The following LAMA2 variants were observed in gnomAD, a reference collection of about 807,000 sequenced individuals.
LAMA2 encodes the protein laminin subunit alpha-2.
Under a neutral mutation model 364.8 loss-of-function variants are expected in LAMA2, and 269 were observed. The ratio of observed to expected loss-of-function variants is 0.74; its 90% CI spans 0.67 to 0.82. The LOEUF is 0.82. LAMA2 is among the 40% of genes least tolerant of loss of function. LAMA2 has a pLI of 0.00. For synonymous variants in LAMA2, 1,379 were observed against 1,370.6 expected, an observed-to-expected ratio of 1.01 and a Z score of -0.14; for missense variants, 3,807 against 3,873.2, an observed-to-expected ratio of 0.98 and a Z score of 0.45.
chr6:129,375,586 C>T (rs1778327093), intron 34 of LAMA2, among the ~76,000 whole-genome samples: 1 of 152,154 alleles, frequency 6.6e-6, no homozygotes, highest in Non-Finnish European at 1.5e-5. Context: ...ACTGTCCTCT[C>T]TCTGTTTTTC....
At chr6:129,357,112 A>G (rs1376539669) in intron 32 of LAMA2, among the ~76,000 whole-genome samples, 1 of 152,098 alleles carries the variant, frequency 6.6e-6, no homozygotes, top group Non-Finnish European at 1.5e-5. Flanking sequence ...CATAGTTCAC[A>G]TGTCATTTTA....
intron 17 of LAMA2, 146 bp from the exon 18 acceptor site, chr6:129,279,915 A>C (rs1483158003): frequency 1.4e-6 from 1 of 715,684 alleles, no homozygotes; most frequent in Non-Finnish European, 2.6e-6. Context: ...CATTGGCCAG[A>C]CCCTAATCTC....
chr6:129,388,575 G>C (rs1007713007), intron 35 of LAMA2, among the ~76,000 whole-genome samples: 2 of 152,140 alleles, frequency 1.3e-5, no homozygotes, highest in Admixed American at 1.3e-4. Flanking sequence ...GAAATAGTGA[G>C]ACTCTGTCTC....
chr6:129,493,220 A>C (rs923243311), intron 58 of LAMA2, among the ~76,000 whole-genome samples: 1 of 152,188 alleles, frequency 6.6e-6, no homozygotes, highest in Non-Finnish European at 1.5e-5. Flanking sequence ...TGTATGTCTA[A>C]TATGATTTTA....
chr6:129,190,124 A>G, intron 10 of LAMA2, 81 bp from the exon 11 acceptor site: 1 of 1,345,436 alleles, frequency 7.4e-7, no homozygotes, highest in Non-Finnish European at 1.1e-6. Flanking sequence ...ATGTACAGTT[A>G]ATATTTTCCT....
intron 51 of LAMA2, among the ~76,000 whole-genome samples, chr6:129,469,979 A>C (rs746603765): frequency 2.0e-5 from 3 of 151,840 alleles, no homozygotes; most frequent in African/African-American, 7.2e-5. Flanking sequence ...ATTACAAATG[A>C]GCATAAAGAA....
chr6:129,049,903 G>T lies in LAMA2; in HGVS notation c.113-15G>T, dbSNP rs1186410082. On this transcript the variant is annotated splice_polypyrimidine_tract_variant and intron_variant, in intron 1 of 64. Transcript: ENST00000421865. ...GTTTCTGGTCTACACACCTTCATTT[G>T]TCCATCTTTTTCAGGTTTATTCCCT... 1 of 1,611,258 alleles carries T rather than the reference G, an allele frequency of 6.2e-7. No individual in the cohort carries two copies. The highest frequency in any genetic ancestry group is 8.5e-7 in the Non-Finnish European group (1 of 1,177,530).
chr6:129,375,541 C>A (rs1778324519), intron 34 of LAMA2, among the ~76,000 whole-genome samples: 1 of 152,180 alleles, frequency 6.6e-6, no homozygotes, highest in Non-Finnish European at 1.5e-5. Context: ...TACTTGAAAT[C>A]TCTGCAGCTT....
chr6:128,943,169 T>C (rs897404629), intron 1 of LAMA2, among the ~76,000 whole-genome samples: 4 of 152,172 alleles, frequency 2.6e-5, no homozygotes, highest in Non-Finnish European at 5.9e-5. Context: ...TGTGTGTGTA[T>C]ATATATAAAC....
intron 8 of LAMA2, among the ~76,000 whole-genome samples, chr6:129,156,371 A>G (rs1478603490): frequency 6.6e-6 from 1 of 152,032 alleles, no homozygotes; most frequent in Admixed American, 6.6e-5. Context: ...GTGTTCCAGT[A>G]CAGAGATCTT....
At chr6:129,176,259 C>T (rs1780581377) in intron 9 of LAMA2, among the ~76,000 whole-genome samples, 1 of 151,876 alleles carries the variant, frequency 6.6e-6, no homozygotes, top group Admixed American at 6.6e-5. Context: ...ATTCTCTCAT[C>T]ATGTTTGATA....
At chr6:129,055,358 A>AT (rs987457566) in intron 2 of LAMA2, among the ~76,000 whole-genome samples, 34 of 151,362 alleles carry the variant, frequency 2.2e-4, no homozygotes, top group African/African-American at 8.0e-4. Context: ...CGTCTGGCTA[A>AT]TTTTTTTGTA....
At chr6:128,925,484 A>T (rs1476774079) in intron 1 of LAMA2, among the ~76,000 whole-genome samples, 1 of 152,160 alleles carries the variant, frequency 6.6e-6, no homozygotes, top group Non-Finnish European at 1.5e-5. Context: ...TATAATGGTG[A>T]TTACTAGCGG....
In LAMA2 at chr6:129,488,621, C is replaced by T. The variant is rs146959203; in HGVS notation, c.7898+1999C>T. Among the ~76,000 whole-genome samples, 194 of 152,286 alleles carry T rather than the reference C, an allele frequency of 1.3e-3. 1 individual carries two copies. The highest frequency in any genetic ancestry group is 2.4e-3 in the Non-Finnish European group (163 of 68,030). ...TCATTTAGTTAATTGGCCATATAAA[C>T]GAACAGTTTTGCCATTCATTGTTAA... is the stretch of plus-strand genomic sequence containing the variant. On this transcript the variant is annotated intron_variant, in intron 56 of 64. Transcript: ENST00000421865.
intron 34 of LAMA2, among the ~76,000 whole-genome samples, chr6:129,375,759 T>C (rs372070910): frequency 4.6e-5 from 7 of 152,210 alleles, no homozygotes; most frequent in African/African-American, 1.7e-4. Flanking sequence ...AAATCTATAT[T>C]TTCAAGGCTG....
intron 40 of LAMA2, among the ~76,000 whole-genome samples, chr6:129,427,147 T>C (rs1032619006): frequency 6.6e-6 from 1 of 152,228 alleles, no homozygotes; most frequent in African/African-American, 2.4e-5. Context: ...ATATCTTTGC[T>C]TGGAGATAAT....
At position 129,315,755 on chromosome 6, in the gene LAMA2, T is replaced by C. The variant is rs750216657; in HGVS notation, c.3736-7T>C. The stretch of plus-strand genomic sequence containing the variant: ...CCAATTCCTCATTCTTCTTTTTATT[T>C]TGTCAGTTGATGGCCTATGGGGGCA... On this transcript the variant is annotated splice_region_variant and splice_polypyrimidine_tract_variant and intron_variant, in intron 25 of 64. Coordinates refer to ENST00000421865, the MANE Select transcript of LAMA2 (RefSeq NM_000426.4). The C allele has an allele frequency of 1.2e-6, 2 of 1,613,986 alleles. No individual in the cohort carries two copies. The highest frequency in any genetic ancestry group is 1.7e-6 in the Non-Finnish European group (2 of 1,179,876).
intron 10 of LAMA2, among the ~76,000 whole-genome samples, chr6:129,185,262 C>G (rs566999122): frequency 6.6e-6 from 1 of 151,766 alleles, no homozygotes; most frequent in South Asian, 2.1e-4. Flanking sequence ...AGAAAGAATA[C>G]AAGAAAACTA....
intron 53 of LAMA2, 125 bp downstream of exon 53, chr6:129,475,526 G>A (rs1784026675): frequency 1.0e-5 from 7 of 679,058 alleles, no homozygotes; most frequent in African/African-American, 3.6e-5. Flanking sequence ...TATGTTTCAC[G>A]AGCAAGCCGT....
Sources: gnomAD v4.1 joint callset for allele counts (sites outside exome capture counted in the v4.1 genomes callset) on GRCh38, gnomAD v4.1.1 for gene constraint, MANE v1.5 for transcripts, NCBI Gene and HGNC (gene_info 2026-07-23, HGNC 2026-07-21) for gene names.